Variants in CADM2 observed in about 807,000 individuals in gnomAD.
The protein encoded by CADM2 is cell adhesion molecule 2, also known as immunoglobulin superfamily member 4D.
CADM2 carries 12 observed loss-of-function variants against 49.8 expected under a neutral mutation model. The observed-to-expected ratio is 0.24, with a 90% CI of 0.15 to 0.39. The LOEUF (loss-of-function observed/expected upper bound fraction) is 0.39. Among genes scored for constraint, CADM2 ranks in the 10% least tolerant of loss-of-function variants. CADM2 has a pLI of 1.00. For synonymous variants in CADM2, 214 were observed against 175.4 expected, an observed-to-expected ratio of 1.22 and a Z score of -1.74; for missense variants, 378 against 492.3, an observed-to-expected ratio of 0.77 and a Z score of 2.20.
At chr3:85,083,573 C>G (rs115166354) in intron 1 of CADM2, among the ~76,000 whole-genome samples, 57 of 152,118 alleles carry the variant, frequency 3.7e-4, no homozygotes, top group Non-Finnish European at 3.5e-4. Context: ...TGACAATGAA[C>G]CTTAATGAAG....
At chr3:85,833,450 C>T (rs1269063759) in intron 3 of CADM2, among the ~76,000 whole-genome samples, 1 of 151,808 alleles carries the variant, frequency 6.6e-6, no homozygotes, top group Admixed American at 6.6e-5. Context: ...GCTGTGAATC[C>T]ATCTGATCCA....
At chr3:85,803,600 A>T (rs1471781255) in intron 3 of CADM2, among the ~76,000 whole-genome samples, 1 of 152,104 alleles carries the variant, frequency 6.6e-6, no homozygotes, top group African/African-American at 2.4e-5. Context: ...AGTTTGAAAA[A>T]TGCAGGGCAG....
At chr3:85,653,748 G>A (rs535489654) in intron 1 of CADM2, among the ~76,000 whole-genome samples, 1 of 152,202 alleles carries the variant, frequency 6.6e-6, no homozygotes. Context: ...CACCTAGGGA[G>A]TGATTTTCAA....
intron 8 of CADM2, among the ~76,000 whole-genome samples, chr3:86,043,986 G>T (rs1045097738): frequency 1.3e-5 from 2 of 151,236 alleles, no homozygotes; most frequent in Admixed American, 6.5e-5. Flanking sequence ...AATAAATGGT[G>T]CTGGGAAAAC....
chr3:85,142,802 T>C (rs1485084539), intron 1 of CADM2, among the ~76,000 whole-genome samples: 4 of 152,156 alleles, frequency 2.6e-5, no homozygotes, highest in Non-Finnish European at 5.9e-5. Flanking sequence ...TAACCAGCCA[T>C]GAGAATTCCC....
chr3:85,793,527 A>T (rs897098160), intron 2 of CADM2, among the ~76,000 whole-genome samples: 3 of 152,204 alleles, frequency 2.0e-5, no homozygotes, highest in African/African-American at 7.2e-5. Flanking sequence ...AACATGCTCT[A>T]TGGAGAAAAT....
intron 1 of CADM2, among the ~76,000 whole-genome samples, chr3:85,385,078 G>T (rs2107370763): frequency 6.6e-6 from 1 of 152,106 alleles, no homozygotes; most frequent in South Asian, 2.1e-4. Flanking sequence ...TGGGACTACA[G>T]GTGCGCTCCA....
intron 8 of CADM2, chr3:86,013,478 A>G (rs1247338518): frequency 9.4e-6 from 15 of 1,600,164 alleles, no homozygotes; most frequent in Middle Eastern, 2.3e-4. Context: ...ATTCTGGTGA[A>G]GAGGTTCTGA....
At position 85,499,617 on chromosome 3, in the gene CADM2, T is replaced by C. The variant is rs6808585; in HGVS notation, c.62-226905T>C. Among the ~76,000 whole-genome samples the C allele has an allele frequency of 9.4e-3, 1,425 of 152,054 alleles. 22 individuals carry two copies. Among genetic ancestry groups the C allele is most frequent in the African/African-American group, 0.031 (1,270 of 41,544 alleles). On this transcript the variant is annotated intron_variant, in intron 1 of 9. Coordinates refer to ENST00000383699, the MANE Select transcript of CADM2 (RefSeq NM_001167675.2). ...AATTTTATATATTTTAAGTATTTCA[T>C]TTTAATACTTCTTATACAGATGAAT... is the stretch of plus-strand genomic sequence containing the variant.
At chr3:85,546,115 A>G (rs1273057322) in intron 1 of CADM2, among the ~76,000 whole-genome samples, 3 of 152,096 alleles carry the variant, frequency 2.0e-5, no homozygotes, top group African/African-American at 7.2e-5. Context: ...TTACTTCTTT[A>G]TTACCTTTAT....
intron 1 of CADM2, among the ~76,000 whole-genome samples, chr3:85,426,142 T>C (rs74664784): frequency 0.012 from 1,773 of 146,484 alleles, 43 homozygotes; most frequent in African/African-American, 0.041. Flanking sequence ...TTTTTTTTTT[T>C]CTTTTTTTTT....
intron 1 of CADM2, among the ~76,000 whole-genome samples, chr3:85,695,260 G>A (rs1019165103): frequency 7.9e-5 from 12 of 151,892 alleles, no homozygotes; most frequent in African/African-American, 2.9e-4. Context: ...CATGAAATTC[G>A]GGCTTTTAGT....
At chr3:85,639,918 A>G (rs2064656152) in intron 1 of CADM2, among the ~76,000 whole-genome samples, 3 of 152,316 alleles carry the variant, frequency 2.0e-5, no homozygotes, top group South Asian at 4.1e-4. Flanking sequence ...TCTTTTTATG[A>G]TCTGAAAACT....
At chr3:85,055,999 A>G (rs142898252) in intron 1 of CADM2, among the ~76,000 whole-genome samples, 1 of 152,076 alleles carries the variant, frequency 6.6e-6, no homozygotes, top group Admixed American at 6.6e-5. Flanking sequence ...AAGGTCAGTT[A>G]AGGGCTCTTC....
At chr3:85,762,914 G>A (rs943933568) in intron 2 of CADM2, among the ~76,000 whole-genome samples, 1 of 151,564 alleles carries the variant, frequency 6.6e-6, no homozygotes, top group Admixed American at 6.6e-5. Flanking sequence ...CACTTTAACT[G>A]TATATACCAT....
intron 8 of CADM2, chr3:85,994,429 A>G (rs1729123740): frequency 6.6e-6 from 1 of 152,172 alleles, no homozygotes; most frequent in Non-Finnish European, 1.5e-5. Context: ...AACTTTCTCT[A>G]TATCAGCAAT....
At chr3:85,460,360 A>T (rs554521633) in intron 1 of CADM2, among the ~76,000 whole-genome samples, 8 of 152,328 alleles carry the variant, frequency 5.3e-5, no homozygotes, top group Non-Finnish European at 8.8e-5. Flanking sequence ...TTATAAAAAA[A>T]AATTTTCAGC....
chr3:85,586,323 A>G (rs1366224280), intron 1 of CADM2, among the ~76,000 whole-genome samples: 1 of 152,144 alleles, frequency 6.6e-6, no homozygotes, highest in Non-Finnish European at 1.5e-5. Context: ...TAAGCAATTC[A>G]TAGCAAAAGC....
chr3:85,347,223 C>CAAAAAAAAAAAAAAAA (rs11331703), intron 1 of CADM2, among the ~76,000 whole-genome samples: 7 of 46,136 alleles, frequency 1.5e-4, no homozygotes, highest in East Asian at 9.9e-4. Context: ...CTCTGTCTCA[C>CAAAAAAAAAAAAAAAA]AAAAAAAAAA....
Sources: allele counts gnomAD v4.1 joint callset (sites outside exome capture counted in the v4.1 genomes callset), GRCh38; gene constraint gnomAD v4.1.1; transcripts MANE v1.5; gene names NCBI Gene and HGNC (gene_info 2026-07-23, HGNC 2026-07-21).